BMPER: variants seen among roughly 807,000 people sequenced by gnomAD.
BMPER encodes BMP-binding endothelial regulator protein.
A neutral mutation model predicts 87.3 loss-of-function variants in BMPER; 45 were observed. The observed-to-expected ratio is 0.52, with a 90% CI of 0.41 to 0.66. The LOEUF (loss-of-function observed/expected upper bound fraction) is 0.66. BMPER is among the 30% of genes least tolerant of loss of function. The pLI, the probability that BMPER is intolerant of heterozygous loss-of-function variation, is 0.00. For synonymous variants in BMPER, 326 were observed against 316.2 expected (o/e 1.03, Z -0.33); for missense variants, 784 against 867.5 (o/e 0.90, Z 1.21).
intron 2 of BMPER, among the ~76,000 whole-genome samples, chr7:33,935,736 G>A (rs1483240078): frequency 6.6e-6 from 1 of 152,186 alleles, no homozygotes; most frequent in East Asian, 1.9e-4. Flanking sequence ...GCAGGTGGCT[G>A]TGGATCGATG....
intron 13 of BMPER, among the ~76,000 whole-genome samples, chr7:34,106,740 C>G (rs185916460): frequency 7.9e-5 from 12 of 152,342 alleles, no homozygotes; most frequent in Admixed American, 2.0e-4. Context: ...AACTTGACAT[C>G]TAAGGTTTGC....
chr7:34,051,053 G>T (rs1788135443), intron 7 of BMPER, among the ~76,000 whole-genome samples: 1 of 152,170 alleles, frequency 6.6e-6, no homozygotes, highest in South Asian at 2.1e-4. Context: ...AGGCTGGGAA[G>T]TCCAAGAACA....
At chr7:33,965,279 C>T (rs73110396) in intron 3 of BMPER, among the ~76,000 whole-genome samples, 8,642 of 152,234 alleles carry the variant, frequency 0.057, 300 homozygotes, top group Middle Eastern at 0.092. Flanking sequence ...TTACTGAGCC[C>T]TTTTCAATCA....
chr7:33,916,030 A>G (rs991771390), intron 2 of BMPER, among the ~76,000 whole-genome samples: 1 of 152,182 alleles, frequency 6.6e-6, no homozygotes. Flanking sequence ...AATGATAGCT[A>G]CTTCCACCAT....
chr7:33,906,652 G>A (rs1327646843), intron 1 of BMPER, among the ~76,000 whole-genome samples, 166 bp from the exon 2 acceptor site: 1 of 152,132 alleles, frequency 6.6e-6, no homozygotes, highest in Non-Finnish European at 1.5e-5. Flanking sequence ...TGAAAATGGA[G>A]TTGGGGGCAG....
At chr7:34,044,938 C>T (rs1787920917) in intron 6 of BMPER, among the ~76,000 whole-genome samples, 1 of 152,062 alleles carries the variant, frequency 6.6e-6, no homozygotes, top group Non-Finnish European at 1.5e-5. Flanking sequence ...ACGGACAGGC[C>T]CCTGGTGGCT....
In BMPER at chr7:33,945,337, G is replaced by A. The variant is rs541895252; in HGVS notation, c.319+7949G>A. Reference sequence around the variant, plus strand: ...GCAATCTTGGCTCACTGCAACCTTCGACTCCTGGATTCAAGTGATTCTCTT... The same window carrying A: ...GCAATCTTGGCTCACTGCAACCTTCAACTCCTGGATTCAAGTGATTCTCTT... On this transcript the variant is annotated intron_variant, in intron 3 of 14. Transcript: ENST00000649409. Among the ~76,000 whole-genome samples the A allele has an allele frequency of 4.9e-5, 7 of 142,826 alleles. No individual in the cohort carries two copies. The East Asian group carries it at 1.1e-3, about 22-fold the overall frequency. The allele number at this position is 142,826 out of a possible 152,430, so 93.7% of individuals were successfully genotyped here.
At chr7:34,070,035 A>G (rs1432325495) in intron 11 of BMPER, among the ~76,000 whole-genome samples, 2 of 151,650 alleles carry the variant, frequency 1.3e-5, no homozygotes, top group Admixed American at 6.6e-5. Context: ...TTGCTTTTTC[A>G]TCTTGTAAAC....
At chr7:33,975,904 G>C (rs773086663) in intron 6 of BMPER, among the ~76,000 whole-genome samples, 2 of 151,972 alleles carry the variant, frequency 1.3e-5, no homozygotes, top group African/African-American at 4.8e-5. Context: ...GAAATATGAC[G>C]AAATGTGATG....
At chr7:34,007,410 C>A (rs1786763799) in intron 6 of BMPER, among the ~76,000 whole-genome samples, 1 of 151,984 alleles carries the variant, frequency 6.6e-6, no homozygotes, top group Non-Finnish European at 1.5e-5. Flanking sequence ...CTTCTACTCA[C>A]CAGTATTGCT....
intron 13 of BMPER, among the ~76,000 whole-genome samples, chr7:34,128,366 C>T (rs1790455750): frequency 6.6e-6 from 1 of 152,134 alleles, no homozygotes; most frequent in Admixed American, 6.5e-5. Flanking sequence ...TATTTTCCTC[C>T]TTTATTACAA....
At chr7:34,058,008 A>G (rs1218315726) in intron 9 of BMPER, 51 bp from the exon 10 acceptor site, 1 of 1,547,260 alleles carries the variant, frequency 6.5e-7, no homozygotes, top group African/African-American at 1.4e-5. Flanking sequence ...CTGTTGCCTC[A>G]ACTCCTGTCA....
chr7:34,154,500 A>C lies in BMPER; in HGVS notation c.*1227A>C, dbSNP rs1011178317. 2 of 152,200 alleles carry C rather than the reference A, an allele frequency of 1.3e-5. No individual in the cohort carries two copies. The highest frequency in any genetic ancestry group is 2.9e-5 in the Non-Finnish European group (2 of 68,028). 9.4% of individuals were successfully genotyped at this position (152,200 alleles called of 1,614,324 possible). A position where few individuals can be genotyped will look rare whatever the true frequency, so the allele number is the denominator to read the frequency against. On this transcript the variant is annotated 3_prime_UTR_variant, in exon 15 of 15. Coordinates refer to ENST00000649409, the MANE Select transcript of BMPER (RefSeq NM_001365308.1). Reference sequence around the variant, plus strand: ...AAGGGCTTAAGATGTAAAACAATGCATTTTCTCTCTCAAGATGTCCTGTGT... The same window carrying C: ...AAGGGCTTAAGATGTAAAACAATGCCTTTTCTCTCTCAAGATGTCCTGTGT...
At position 34,118,131 on chromosome 7, in the gene BMPER, C is replaced by G. The variant is rs191763691; in HGVS notation, c.1746-25099C>G. Among the ~76,000 whole-genome samples, 1,006 of 152,080 alleles carry G rather than the reference C, an allele frequency of 6.6e-3. 9 individuals carry two copies. The highest frequency in any genetic ancestry group is 0.011 in the Non-Finnish European group (767 of 67,996). On this transcript the variant is annotated intron_variant, in intron 13 of 14. Transcript: ENST00000649409. ...GAGTTCGAGACCAACATGGTGAAAC[C>G]CCGTCTCTACTAAAAATATAAAAAT...
At chr7:34,065,203 A>ACTCTCTCTCTCTCTCTCTCTCT (rs70997564) in intron 11 of BMPER, among the ~76,000 whole-genome samples, 40 of 97,330 alleles carry the variant, frequency 4.1e-4, no homozygotes, top group Non-Finnish European at 6.1e-4. Context: ...ATACACACTC[A>ACTCTCTCTCTCTCTCTCTCTCT]CTCTCTCTCT....
At chr7:33,996,380 A>G (rs935619580) in intron 6 of BMPER, among the ~76,000 whole-genome samples, 9 of 152,008 alleles carry the variant, frequency 5.9e-5, no homozygotes, top group Non-Finnish European at 8.8e-5. Flanking sequence ...GCTTAAATTC[A>G]CTCTTTAGGA....
At chr7:34,066,485 A>C (rs988042314) in intron 11 of BMPER, among the ~76,000 whole-genome samples, 1 of 152,234 alleles carries the variant, frequency 6.6e-6, no homozygotes, top group Admixed American at 6.5e-5. Context: ...TGGGCTACAC[A>C]AACTTCATAA....
At chr7:33,991,025 T>G (rs958243887) in intron 6 of BMPER, among the ~76,000 whole-genome samples, 14 of 144,304 alleles carry the variant, frequency 9.7e-5, no homozygotes, top group African/African-American at 3.6e-4. Flanking sequence ...TGCCAGTATT[T>G]TATTGAGGAT....
At chr7:34,109,971 C>G (rs374610051) in intron 13 of BMPER, among the ~76,000 whole-genome samples, 4 of 152,242 alleles carry the variant, frequency 2.6e-5, no homozygotes, top group African/African-American at 9.6e-5. Flanking sequence ...GAGAATCTTG[C>G]TGACAGTCAC....
Sources: gnomAD v4.1 joint callset for allele counts (sites outside exome capture counted in the v4.1 genomes callset) on GRCh38, gnomAD v4.1.1 for gene constraint, MANE v1.5 for transcripts, NCBI Gene and HGNC (gene_info 2026-07-23, HGNC 2026-07-21) for gene names.